LSAMP: variants seen among roughly 807,000 people sequenced by gnomAD.
LSAMP encodes limbic system-associated membrane protein.
A neutral mutation model predicts 38.6 loss-of-function variants in LSAMP; 7 were observed. That is an observed-to-expected ratio of 0.18 (90% CI 0.10 to 0.34). LSAMP has a LOEUF of 0.34. Among genes scored for constraint, LSAMP ranks in the 10% least tolerant of loss-of-function variants. The pLI is 1.00. For synonymous variants in LSAMP, 154 were observed against 166.8 expected (o/e 0.92, Z 0.59); for missense variants, 313 against 420.0 (o/e 0.75, Z 2.23).
intron 1 of LSAMP, among the ~76,000 whole-genome samples, chr3:116,249,174 A>C (rs2046646010): frequency 6.6e-6 from 1 of 150,702 alleles, no homozygotes; most frequent in South Asian, 2.1e-4. Context: ...GACTAAACTT[A>C]AACAACACTT....
chr3:116,155,023 TTTTG>T, intron 1 of LSAMP, among the ~76,000 whole-genome samples: 1 of 151,930 alleles, frequency 6.6e-6, no homozygotes, highest in Middle Eastern at 3.4e-3. Context: ...TTTTGGTTTT[TTTTG>T]TTTTTTGTTT....
chr3:115,902,823 A>T (rs1281404779), intron 3 of LSAMP, among the ~76,000 whole-genome samples: 3 of 152,204 alleles, frequency 2.0e-5, no homozygotes, highest in African/African-American at 7.2e-5. Context: ...AATGGCTATC[A>T]TTAAAAAGTC....
Position 116,007,103 on chromosome 3 carries a change from GT to G in LSAMP, c.514+12411del, listed in dbSNP as rs533913413. On this transcript the variant is annotated intron_variant, in intron 3 of 6. Transcript: ENST00000490035. ...GATATTTGCCAACTGAATTATTGAA[GT>G]TTTTTTTTTCTTTTTCTCTTCCCAT... is the stretch of plus-strand genomic sequence containing the variant. Among the ~76,000 whole-genome samples the G allele has an allele frequency of 2.3e-3, 351 of 150,264 alleles. 2 individuals are homozygous for G. Among genetic ancestry groups the G allele is most frequent in the African/African-American group, 7.4e-3 (305 of 41,052 alleles).
At chr3:116,248,327 A>G (rs1258644928) in intron 1 of LSAMP, among the ~76,000 whole-genome samples, 1 of 152,142 alleles carries the variant, frequency 6.6e-6, no homozygotes. Flanking sequence ...TTAGGTAGCT[A>G]TCATATCTAA....
rs1218588741 is a variant in LSAMP at position 115,808,308 on chromosome 3, A to G, written c.*2009T>C. 1 of 151,808 alleles carries G rather than the reference A, an allele frequency of 6.6e-6. No homozygotes were observed. The highest frequency in any genetic ancestry group is 1.5e-5 in the Non-Finnish European group (1 of 67,966). The allele number at this position is 151,808 out of a possible 1,614,324, so 9.4% of individuals were successfully genotyped here. On this transcript the variant is annotated 3_prime_UTR_variant, in exon 7 of 7. Coordinates refer to ENST00000490035, the MANE Select transcript of LSAMP (RefSeq NM_002338.5). ...ACCATATTTGGCTCTGCAAGATTAC[A>G]TTCAAATATAATCTCAAAATAATTC...
intron 3 of LSAMP, among the ~76,000 whole-genome samples, chr3:116,017,793 T>C (rs1940525945): frequency 6.6e-6 from 1 of 152,172 alleles, no homozygotes; most frequent in Non-Finnish European, 1.5e-5. Flanking sequence ...AGGAAAACTA[T>C]GTAAAACAAT....
chr3:116,444,794 A>G, intron 1 of LSAMP, 83 bp downstream of exon 1: 1 of 1,512,496 alleles, frequency 6.6e-7, no homozygotes, highest in East Asian at 2.3e-5. Flanking sequence ...TCAGACACAC[A>G]CACACACACA....
intron 3 of LSAMP, among the ~76,000 whole-genome samples, chr3:116,016,984 T>C (rs956790784): frequency 6.6e-6 from 1 of 152,118 alleles, no homozygotes; most frequent in African/African-American, 2.4e-5. Context: ...GCCTCCGGGG[T>C]CCTCTGAGTT....
intron 1 of LSAMP, among the ~76,000 whole-genome samples, chr3:116,367,068 C>T (rs908930780): frequency 2.6e-5 from 4 of 152,026 alleles, no homozygotes; most frequent in East Asian, 1.9e-4. Flanking sequence ...TTAGACTTGA[C>T]CAAACAGATT....
At chr3:115,926,725 A>G (rs371596309) in intron 3 of LSAMP, among the ~76,000 whole-genome samples, 2 of 152,294 alleles carry the variant, frequency 1.3e-5, no homozygotes, top group Admixed American at 6.5e-5. Context: ...AGGCTTATTA[A>G]TTTCTTGATT....
chr3:115,882,990 A>G (rs921490543), intron 3 of LSAMP, among the ~76,000 whole-genome samples: 1 of 152,056 alleles, frequency 6.6e-6, no homozygotes, highest in Non-Finnish European at 1.5e-5. Context: ...TACTATAGAT[A>G]CTGTAGTTAC....
At chr3:115,947,001 G>GA (rs61095087) in intron 3 of LSAMP, among the ~76,000 whole-genome samples, 37,058 of 149,990 alleles carry the variant, frequency 0.25, 5,168 homozygotes, top group East Asian at 0.53. Context: ...ATTAGCATTT[G>GA]AAAAAAAAAT....
At chr3:115,813,419 G>A (rs1187413242) in intron 6 of LSAMP, among the ~76,000 whole-genome samples, 1 of 152,096 alleles carries the variant, frequency 6.6e-6, no homozygotes, top group Non-Finnish European at 1.5e-5. Flanking sequence ...TGAGGTTTGT[G>A]TAAGTATATT....
chr3:116,144,377 G>A (rs927277604), intron 1 of LSAMP, among the ~76,000 whole-genome samples: 7 of 151,754 alleles, frequency 4.6e-5, no homozygotes, highest in Non-Finnish European at 7.4e-5. Context: ...TTAAAAATTA[G>A]CTGGGCATGG....
At chr3:116,274,489 A>T (rs1050078270) in intron 1 of LSAMP, among the ~76,000 whole-genome samples, 2 of 152,170 alleles carry the variant, frequency 1.3e-5, no homozygotes, top group East Asian at 3.9e-4. Context: ...TGCCTAAAAT[A>T]TGGGTTCACA....
At chr3:116,256,051 C>G (rs956989169) in intron 1 of LSAMP, among the ~76,000 whole-genome samples, 2 of 152,074 alleles carry the variant, frequency 1.3e-5, no homozygotes, top group East Asian at 3.9e-4. Context: ...CAATAAAATG[C>G]GTAATTAATT....
At chr3:116,153,664 A>G (rs1485469718) in intron 1 of LSAMP, among the ~76,000 whole-genome samples, 1 of 152,082 alleles carries the variant, frequency 6.6e-6, no homozygotes, top group Non-Finnish European at 1.5e-5. Flanking sequence ...GGGGCACGAA[A>G]CACTTTACTT....
At chr3:116,227,141 C>G (rs1000275237) in intron 1 of LSAMP, among the ~76,000 whole-genome samples, 1 of 152,080 alleles carries the variant, frequency 6.6e-6, no homozygotes, top group African/African-American at 2.4e-5. Context: ...CATAAAATGA[C>G]TCTGCTACCA....
chr3:116,301,976 A>G (rs770132660), intron 1 of LSAMP, among the ~76,000 whole-genome samples: 2 of 152,188 alleles, frequency 1.3e-5, no homozygotes, highest in Non-Finnish European at 2.9e-5. Context: ...CTGCTAGGCA[A>G]GAATAGGTAC....
Sources: allele counts gnomAD v4.1 joint callset (sites outside exome capture counted in the v4.1 genomes callset), GRCh38; gene constraint gnomAD v4.1.1; transcripts MANE v1.5; gene names NCBI Gene and HGNC (gene_info 2026-07-23, HGNC 2026-07-21).